Variants in PARP4 observed in about 807,000 individuals in gnomAD.
PARP4 encodes the protein poly(ADP-ribose) polymerase family member 4.
Under a neutral mutation model 187.7 loss-of-function variants are expected in PARP4, and 120 were observed. That is an observed-to-expected ratio of 0.64 (90% confidence interval 0.55 to 0.74). The LOEUF is 0.74. Ranked by LOEUF, PARP4 falls within the 30% of genes least tolerant of loss-of-function variation. PARP4 has a pLI of 0.00. For synonymous variants in PARP4, 654 were observed against 740.9 expected (o/e 0.88, Z 1.90); for missense variants, 1,836 against 2,070.5 (o/e 0.89, Z 2.20).
At chr13:24,444,939 G>A (rs999226181) in intron 27 of PARP4, among the ~76,000 whole-genome samples, 1 of 152,198 alleles carries the variant, frequency 6.6e-6, no homozygotes, top group Non-Finnish European at 1.5e-5. Flanking sequence ...AGGGATGATA[G>A]AGAAACCGTT....
intron 1 of PARP4, among the ~76,000 whole-genome samples, chr13:24,506,128 G>A (rs1339494861): frequency 1.3e-5 from 2 of 152,172 alleles, no homozygotes; most frequent in Admixed American, 1.3e-4. Flanking sequence ...GTTCTTAAAG[G>A]CGGCGCGTCC....
At chr13:24,494,838 A>G in intron 6 of PARP4, 116 bp from the exon 7 acceptor site, 2 of 639,018 alleles carry the variant, frequency 3.1e-6, no homozygotes, top group South Asian at 4.9e-5. Flanking sequence ...AGTTTTTTTC[A>G]AAGAATTACT....
At chr13:24,426,388 C>T (rs1870051280) in intron 33 of PARP4, 78 bp downstream of exon 33, 3 of 1,144,618 alleles carry the variant, frequency 2.6e-6, no homozygotes, top group Non-Finnish European at 2.5e-6. Context: ...AAGATAATTC[C>T]CTATAGCTGT....
intron 17 of PARP4, among the ~76,000 whole-genome samples, chr13:24,460,829 C>T (rs1424919206): frequency 6.6e-6 from 1 of 152,124 alleles, no homozygotes; most frequent in Admixed American, 6.6e-5. Flanking sequence ...GCACGCACCA[C>T]CATGCCTGGC....
intron 33 of PARP4, 85 bp downstream of exon 33, chr13:24,426,381 A>C: frequency 9.2e-7 from 1 of 1,086,088 alleles, no homozygotes; most frequent in Non-Finnish European, 1.4e-6. Flanking sequence ...CACATGTAAG[A>C]TAATTCCCTA....
At chr13:24,446,181 G>T (rs1431999415) in intron 27 of PARP4, among the ~76,000 whole-genome samples, 7 of 152,138 alleles carry the variant, frequency 4.6e-5, no homozygotes, top group Admixed American at 1.3e-4. Context: ...ACATCTTTGA[G>T]AACCTCTCTA....
intron 9 of PARP4, among the ~76,000 whole-genome samples, chr13:24,492,184 T>G (rs75346434): frequency 1.3e-5 from 2 of 152,374 alleles, no homozygotes; most frequent in Admixed American, 1.3e-4. Flanking sequence ...TTTTACAAGA[T>G]AGCAATTTTA....
intron 17 of PARP4, among the ~76,000 whole-genome samples, chr13:24,460,376 G>C (rs569622023): frequency 1.3e-5 from 2 of 152,010 alleles, no homozygotes; most frequent in African/African-American, 4.8e-5. Flanking sequence ...CCTTGGCAGC[G>C]GAACTGGGAA....
Position 24,510,924 on chromosome 13 carries a change from T to A in PARP4, c.-2+1782A>T, listed in dbSNP as rs576851148. On this transcript the variant is annotated intron_variant, in intron 1 of 33. Transcript: ENST00000381989. ...CAATCCTTTCACCCGGCCTACTTAG[T>A]AGCTGGGACCACAGGCCTGCACCAC... Among the ~76,000 whole-genome samples the A allele has an allele frequency of 1.8e-3, 268 of 152,254 alleles. 1 individual carries two copies. The highest frequency in any genetic ancestry group is 2.5e-3 in the Non-Finnish European group (172 of 68,008).
At chr13:24,462,046 T>C (rs546346680) in intron 17 of PARP4, among the ~76,000 whole-genome samples, 9 of 152,032 alleles carry the variant, frequency 5.9e-5, no homozygotes, top group Middle Eastern at 3.4e-3. Flanking sequence ...GCCACTAAGA[T>C]AGGACAATGA....
intron 1 of PARP4, among the ~76,000 whole-genome samples, chr13:24,510,230 C>A (rs959244622): frequency 1.3e-5 from 2 of 152,030 alleles, no homozygotes; most frequent in African/African-American, 4.8e-5. Context: ...TTCATCCTTC[C>A]CCAAGTCATC....
In PARP4 at chr13:24,492,576, T is replaced by C. The variant is rs139615320; in HGVS notation, c.898A>G (p.Ile300Val). ...SLNDVSKAEG[I>V]LLLVKAALKN... ...AGTGCTGCCTTTACTAGAAGGAGAA[T>C]CCCCTCTGCCTTGCTCACCTTTCAA... The change falls in exon 9 of 34, where the codon ATT becomes GTT. Residue 300 changes from isoleucine (I) to valine (V), a missense_variant. By Grantham distance (29) the Ile-to-Val change is conservative. This residue lies in a region of PARP4 where 1,147 missense variants were observed against 1,214.2 expected (regional missense o/e 0.94). Transcript: ENST00000381989. 64 of 1,613,842 alleles carry C rather than the reference T, an allele frequency of 4.0e-5. No individual in the cohort carries two copies. The African/African-American group carries it at 8.4e-4, about 21-fold the overall frequency.
In PARP4 at chr13:24,484,694, G is replaced by C. The variant is rs145844893; in HGVS notation, c.1407C>G (p.Val469=). The part of the protein sequence containing the change: ...VEDRGVQRTD[V]GNLGSGIYFS... The stretch of plus-strand genomic sequence containing the variant: ...AATAAATCCCACTTCCAAGGTTTCC[G>C]ACGTCTGTTCTTTGCACACCACGAT... The change falls in exon 12 of 34, where the codon GTC becomes GTG. Residue 469 remains valine (V), a synonymous_variant. Coordinates refer to ENST00000381989, the MANE Select transcript of PARP4 (RefSeq NM_006437.4). The C allele has an allele frequency of 6.2e-7, 1 of 1,612,546 alleles. No homozygotes were observed.
rs61748822 is a variant in PARP4, at chr13:24,469,945, G to A, written c.1995C>T (p.Ala665=). The change falls in exon 16 of 34, where the codon GCC becomes GCT. Residue 665 remains alanine, a synonymous_variant. Transcript: ENST00000381989. ...AKYIFPLDDK[A]AVCGFEAFIN... ...TGAAGGCTTCGAAGCCACACACAGCGGCCTTGTCATCCAAAGGAAAGATAT... is the reference window on the plus strand; with the variant it reads ...TGAAGGCTTCGAAGCCACACACAGCAGCCTTGTCATCCAAAGGAAAGATAT... 2.3e-3 allele frequency: 3,757 copies of A among 1,613,710 alleles called. 5 individuals carry two copies. Among genetic ancestry groups the A allele is most frequent in the Non-Finnish European group, 3.0e-3 (3,495 of 1,179,768 alleles).
At chr13:24,460,243 C>T in intron 17 of PARP4, 107 bp from the exon 18 acceptor site, 1 of 933,670 alleles carries the variant, frequency 1.1e-6, no homozygotes, top group South Asian at 1.6e-5. Context: ...CTGCCAAATT[C>T]TTCCTCAGAA....
At position 24,498,235 on chromosome 13, in the gene PARP4, A is replaced by G; in HGVS notation, c.478-6T>C. 1 of 1,601,294 alleles carries G rather than the reference A, an allele frequency of 6.2e-7. No homozygotes were observed. The highest frequency in any genetic ancestry group is 8.6e-7 in the Non-Finnish European group (1 of 1,169,588). On this transcript the variant is annotated splice_polypyrimidine_tract_variant and splice_region_variant and intron_variant, in intron 5 of 33. Coordinates refer to ENST00000381989, the MANE Select transcript of PARP4 (RefSeq NM_006437.4). ...TGGCCTCCCTCCATTCCCACCTGGA[A>G]AACAGGATGTGCTTTCAGAAGCTGC...
chr13:24,493,087 T>C (rs1868749327), intron 8 of PARP4, among the ~76,000 whole-genome samples: 1 of 152,238 alleles, frequency 6.6e-6, no homozygotes, highest in Non-Finnish European at 1.5e-5. Flanking sequence ...AATACAACAA[T>C]GCAGTTGCAC....
intron 33 of PARP4, among the ~76,000 whole-genome samples, chr13:24,424,113 A>G (rs186323323): frequency 5.3e-5 from 8 of 152,110 alleles, no homozygotes; most frequent in African/African-American, 1.9e-4. Flanking sequence ...GCATGAGCCA[A>G]TTTGCCTAGC....
chr13:24,474,866 G>A (rs955156479), intron 15 of PARP4, among the ~76,000 whole-genome samples: 1 of 151,922 alleles, frequency 6.6e-6, no homozygotes, highest in African/African-American at 2.4e-5. Flanking sequence ...GTACTGATGT[G>A]AGAGCCCCTC....
Sources: gnomAD v4.1 joint callset for allele counts (sites outside exome capture counted in the v4.1 genomes callset) on GRCh38, gnomAD v4.1.1 for gene constraint, gnomAD v4.1.1 regional missense constraint, MANE v1.5 for transcripts, NCBI Gene and HGNC (gene_info 2026-07-23, HGNC 2026-07-21) for gene names.